Variants in NFKBIZ observed in about 807,000 individuals in gnomAD.
The protein encoded by NFKBIZ is NF-kappa-B inhibitor zeta.
NFKBIZ carries 19 observed loss-of-function variants against 76.8 expected under a neutral mutation model. That is an observed-to-expected ratio of 0.25 (90% CI 0.17 to 0.36). The LOEUF (loss-of-function observed/expected upper bound fraction) is 0.36. Ranked by LOEUF, NFKBIZ falls within the 10% of genes least tolerant of loss-of-function variation. The probability of loss-of-function intolerance (pLI) is 1.00; values close to 1 mark genes in which losing one functional copy is unlikely to be tolerated. For synonymous variants in NFKBIZ, 368 were observed against 354.8 expected, an observed-to-expected ratio of 1.04 and a Z score of -0.42; for missense variants, 829 against 910.9, an observed-to-expected ratio of 0.91 and a Z score of 1.16.
intron 2 of NFKBIZ, among the ~76,000 whole-genome samples, chr3:101,840,851 G>A (rs550863442): frequency 3.3e-5 from 5 of 152,294 alleles, no homozygotes; most frequent in African/African-American, 1.2e-4. Flanking sequence ...CACCTAGTGG[G>A]TGCTCAGAAA....
rs534327195 is a variant in NFKBIZ at position 101,842,939 on chromosome 3, T to A, written c.-11-9146T>A. Reference sequence around the variant, plus strand: ...TCCAATCTGGAACTTTTGAGTTGACTGATAGGACATTGCCTACATTCGATC... The same window carrying A: ...TCCAATCTGGAACTTTTGAGTTGACAGATAGGACATTGCCTACATTCGATC... On this transcript the variant is annotated intron_variant, in intron 2 of 12. Transcript: ENST00000394054. Among the ~76,000 whole-genome samples the A allele has an allele frequency of 2.5e-4, 38 of 149,262 alleles. No homozygotes were observed. The South Asian group carries it at 7.9e-3, about 31-fold the overall frequency.
At chr3:101,856,054 AT>A (rs200310354) in intron 9 of NFKBIZ, 152 bp downstream of exon 9, 49,456 of 464,096 alleles carry the variant, frequency 0.11, 1 homozygote, top group South Asian at 0.16. Flanking sequence ...GAAGCCCAGA[AT>A]TTTTTTTTTT....
Position 101,857,604 on chromosome 3 carries a change from C to G in NFKBIZ, c.2103+145C>G, listed in dbSNP as rs1943070199. The stretch of plus-strand genomic sequence containing the variant: ...CTGTGTCTCACGGTAGCTGTCATAG[C>G]ATTGTGGAGTTACTCTTCGTTTGGA... On this transcript the variant is annotated intron_variant, in intron 11 of 11. Transcript: ENST00000326172. 2.1e-6 allele frequency: 3 copies of G among 1,449,900 alleles called. No homozygotes were observed. In the Admixed American group the frequency reaches 8.3e-5, roughly 40 times the overall value. The allele number at this position is 1,449,900 out of a possible 1,614,324, so 89.8% of individuals were successfully genotyped here.
chr3:101,849,368 C>T (rs1288655646), upstream of NFKBIZ: 1 of 336,316 alleles, frequency 3.0e-6, no homozygotes, highest in Non-Finnish European at 5.4e-6. Context: ...CGCATTGCCT[C>T]ATCCTGTACA....
intron 2 of NFKBIZ, among the ~76,000 whole-genome samples, chr3:101,843,028 A>AAC (rs1174187856): frequency 6.8e-6 from 1 of 147,436 alleles, no homozygotes; most frequent in Non-Finnish European, 1.5e-5. Flanking sequence ...TCTAAAAAAA[A>AAC]AAAAAAAAAA....
chr3:101,859,124 A>G (rs1943098666), intron 11 of NFKBIZ, among the ~76,000 whole-genome samples, 194 bp from the exon 12 acceptor site: 1 of 100,226 alleles, frequency 1.0e-5, no homozygotes, highest in African/African-American at 3.4e-5. Context: ...GAGATCTGAA[A>G]TAAGTTTAAA....
In NFKBIZ at chr3:101,853,601, ACTTC is replaced by A; in HGVS notation, c.1078_1081del (p.Ser360ProfsTer16). Reference sequence around the variant, plus strand: ...TGAGAATATTGCTAATCCCATGCAGACTTCCTCCAGTGTTCAGCAGCAAAATGAT... The same window carrying A: ...TGAGAATATTGCTAATCCCATGCAGACTCCAGTGTTCAGCAGCAAAATGAT... On this transcript the variant is annotated frameshift_variant, in exon 5 of 12. Transcript: ENST00000326172. LOFTEE classifies it high-confidence loss of function. The A allele has an allele frequency of 6.2e-7, 1 of 1,614,242 alleles. No homozygotes were observed. Among genetic ancestry groups the A allele is most frequent in the Non-Finnish European group, 8.5e-7 (1 of 1,180,040 alleles).
chr3:101,837,522 A>G (rs1292079180), intron 2 of NFKBIZ, among the ~76,000 whole-genome samples: 4 of 150,984 alleles, frequency 2.6e-5, no homozygotes, highest in African/African-American at 9.7e-5. Flanking sequence ...AAGAAAAAAG[A>G]AAAAAAAAGA....
intron 1 of NFKBIZ, 148 bp from the exon 2 acceptor site, chr3:101,851,937 A>G (rs183338950): frequency 4.0e-5 from 34 of 845,554 alleles, no homozygotes; most frequent in Admixed American, 6.0e-5. Context: ...TCACAAGGCC[A>G]TTGATTGACC....
rs775010864 is a variant in NFKBIZ at position 101,852,236 on chromosome 3, T to G, written c.429+12T>G. 1.9e-6 allele frequency: 3 copies of G among 1,613,292 alleles called. No homozygotes were observed. Among genetic ancestry groups the G allele is most frequent in the Admixed American group, 3.3e-5 (2 of 59,858 alleles). On this transcript the variant is annotated intron_variant, in intron 2 of 11. Coordinates refer to ENST00000326172, the MANE Select transcript of NFKBIZ (RefSeq NM_031419.4). The stretch of plus-strand genomic sequence containing the variant: ...TGGATGATTTTAAGGTGACATCTAT[T>G]TTTCTGTTTTGAGTATAGAGTTGGG...
At position 101,857,502 on chromosome 3, in the gene NFKBIZ, A is replaced by C. The variant is rs745577662; in HGVS notation, c.2103+43A>C. 5 of 1,609,872 alleles carry C rather than the reference A, an allele frequency of 3.1e-6. No individual in the cohort carries two copies. The Admixed American group carries it at 6.7e-5, about 21-fold the overall frequency. On this transcript the variant is annotated intron_variant, in intron 11 of 11. Coordinates refer to ENST00000326172, the MANE Select transcript of NFKBIZ (RefSeq NM_031419.4). ...GAGAGGAAGTATTTTTTGGCACTGCAGTCTGAAACAGAAAGGGAGATGAGG... is the reference window on the plus strand; with the variant it reads ...GAGAGGAAGTATTTTTTGGCACTGCCGTCTGAAACAGAAAGGGAGATGAGG...
Position 101,853,399 on chromosome 3 carries a change from A to G in NFKBIZ, c.873A>G (p.Pro291=), listed in dbSNP as rs142122122. Residue 291 remains proline, a synonymous_variant, in exon 5 of 12, where the codon CCA becomes CCG. Transcript: ENST00000326172. ...IDQASLYQYS[P]QNQHVEQQPH... Reference sequence around the variant, plus strand: ...AGGCTTCCCTGTACCAGTATTCTCCACAGAACCAGCATGTAGAGCAGCAGC... The same window carrying G: ...AGGCTTCCCTGTACCAGTATTCTCCGCAGAACCAGCATGTAGAGCAGCAGC... The G allele has an allele frequency of 1.2e-6, 2 of 1,614,060 alleles. No individual in the cohort carries two copies. The highest frequency in any genetic ancestry group is 2.7e-5 in the African/African-American group (2 of 74,980).
intron 1 of NFKBIZ, 106 bp from the exon 2 acceptor site, chr3:101,851,979 G>A (rs1403759439): frequency 2.9e-6 from 4 of 1,375,480 alleles, no homozygotes; most frequent in Non-Finnish European, 4.0e-6. Flanking sequence ...GCAATGTGCT[G>A]CTTGGGGACT....
chr3:101,850,448 A>G (rs1232326121), intron 1 of NFKBIZ: 2 of 152,186 alleles, frequency 1.3e-5, no homozygotes, highest in African/African-American at 2.4e-5. Flanking sequence ...CTGAAAACCA[A>G]CTCAAGTTAT....
rs1370158326 is a variant in NFKBIZ, at chr3:101,853,640, C to G, written c.1114C>G (p.His372Asp). 2 of 1,614,226 alleles carry G rather than the reference C, an allele frequency of 1.2e-6. No homozygotes were observed. Among genetic ancestry groups the G allele is most frequent in the Non-Finnish European group, 1.7e-6 (2 of 1,180,032 alleles). ...SVQQQNDAHLHSFSMMPSSAC... is the reference protein window; with the variant it reads ...SVQQQNDAHLDSFSMMPSSAC... ...TCAGCAGCAAAATGATGCTCACTTGCACAGCTTCAGCATGATGCCCAGCAG... is the reference window on the plus strand; with the variant it reads ...TCAGCAGCAAAATGATGCTCACTTGGACAGCTTCAGCATGATGCCCAGCAG... Residue 372 changes from histidine (H) to aspartate (D), a missense_variant, in exon 5 of 12, where the codon CAC becomes GAC. Physicochemically the swap from His to Asp is moderately conservative, Grantham distance 81. Coordinates refer to ENST00000326172, the MANE Select transcript of NFKBIZ (RefSeq NM_031419.4).
At chr3:101,858,051 A>G in intron 11 of NFKBIZ, 1 of 889,850 alleles carries the variant, frequency 1.1e-6, no homozygotes, top group Non-Finnish European at 1.3e-6. Context: ...TGAGTATTGA[A>G]TAGTTTCATG....
chr3:101,834,759 G>T (rs1942693430), intron 2 of NFKBIZ, among the ~76,000 whole-genome samples: 1 of 152,200 alleles, frequency 6.6e-6, no homozygotes, highest in Non-Finnish European at 1.5e-5. Context: ...CACCACTTCA[G>T]TTCAGACCTC....
chr3:101,853,582 T>C lies in NFKBIZ; in HGVS notation c.1056T>C (p.Asn352=), dbSNP rs1943003120. The change falls in exon 5 of 12, where the codon AAT becomes AAC. Residue 352 remains asparagine (N), a synonymous_variant. Coordinates refer to ENST00000326172, the MANE Select transcript of NFKBIZ (RefSeq NM_031419.4). ...SLLGDQRESE[N]IANPMQTSSS... is the part of the protein sequence containing the mutation. ...TTGGTGATCAAAGGGAATCTGAGAA[T>C]ATTGCTAATCCCATGCAGACTTCCT... 1 of 1,614,116 alleles carries C rather than the reference T, an allele frequency of 6.2e-7. No individual in the cohort carries two copies. Among genetic ancestry groups the C allele is most frequent in the Admixed American group, 1.7e-5 (1 of 60,004 alleles).
chr3:101,838,855 T>A (rs1560083467), intron 2 of NFKBIZ, among the ~76,000 whole-genome samples: 2 of 152,236 alleles, frequency 1.3e-5, no homozygotes, highest in Non-Finnish European at 2.9e-5. Flanking sequence ...TCTGTTAGTA[T>A]GCATTGTGTT....
Sources: allele counts gnomAD v4.1 joint callset (sites outside exome capture counted in the v4.1 genomes callset), GRCh38; gene constraint gnomAD v4.1.1; transcripts MANE v1.5; gene names NCBI Gene and HGNC (gene_info 2026-07-23, HGNC 2026-07-21).